The following ARID3B variants were observed in gnomAD, a reference collection of about 807,000 sequenced individuals.
The protein encoded by ARID3B is AT-rich interaction domain 3B.
Under a neutral mutation model 51.9 loss-of-function variants are expected in ARID3B, and 10 were observed. The observed-to-expected ratio is 0.19, with a 90% CI of 0.12 to 0.33. ARID3B has a LOEUF of 0.33. Ranked by LOEUF, ARID3B falls within the 10% of genes least tolerant of loss-of-function variation. The pLI, the probability that ARID3B is intolerant of heterozygous loss-of-function variation, is 1.00. For synonymous variants in ARID3B, 205 were observed against 279.5 expected (o/e 0.73, Z 2.66); for missense variants, 483 against 716.3 (o/e 0.67, Z 3.72).
chr15:74,576,854 G>A (rs1399910481), intron 4 of ARID3B, among the ~76,000 whole-genome samples: 1 of 152,098 alleles, frequency 6.6e-6, no homozygotes, highest in Non-Finnish European at 1.5e-5. Flanking sequence ...CCATGGAGGT[G>A]GAGGAAAAAA....
At chr15:74,566,326 G>C (rs976279852) in intron 2 of ARID3B, among the ~76,000 whole-genome samples, 2 of 152,082 alleles carry the variant, frequency 1.3e-5, no homozygotes, top group Admixed American at 1.3e-4. Flanking sequence ...TAGGCCAGGC[G>C]CAGTGGCTCA....
chr15:74,553,029 G>A (rs2061643797), intron 2 of ARID3B, among the ~76,000 whole-genome samples: 1 of 152,198 alleles, frequency 6.6e-6, no homozygotes, highest in Non-Finnish European at 1.5e-5. Context: ...CAAAGTGGGT[G>A]TACCATTTTG....
At chr15:74,561,523 A>G (rs2061679425) in intron 2 of ARID3B, among the ~76,000 whole-genome samples, 1 of 152,186 alleles carries the variant, frequency 6.6e-6, no homozygotes, top group South Asian at 2.1e-4. Flanking sequence ...TCAGGAGGAG[A>G]CTAAGAAAGT....
intron 4 of ARID3B, chr15:74,574,501 C>G (rs1176588495): frequency 6.6e-6 from 1 of 152,184 alleles, no homozygotes; most frequent in Non-Finnish European, 1.5e-5. Flanking sequence ...CTCTCTATTT[C>G]CCTCCTTCCT....
intron 4 of ARID3B, chr15:74,574,348 A>T (rs1312441895): frequency 6.6e-6 from 1 of 152,262 alleles, no homozygotes; most frequent in Non-Finnish European, 1.5e-5. Flanking sequence ...TGCTCCCAGC[A>T]TCCTGTTATA....
At chr15:74,592,193 A>G (rs987869891) in intron 7 of ARID3B, among the ~76,000 whole-genome samples, 2 of 152,160 alleles carry the variant, frequency 1.3e-5, no homozygotes, top group African/African-American at 4.8e-5. Flanking sequence ...AAGACACCCC[A>G]TGTTCCTGAG....
In ARID3B at chr15:74,596,790, CTTTTGT is replaced by C; in HGVS notation, c.*1021_*1026del. The C allele has an allele frequency of 4.7e-6, 1 of 213,002 alleles. No individual in the cohort carries two copies. Among genetic ancestry groups the C allele is most frequent in the Admixed American group, 6.7e-5 (1 of 14,898 alleles). The allele number at this position is 213,002 out of a possible 1,614,324, so 13.2% of individuals were successfully genotyped here. A position where few individuals can be genotyped will look rare whatever the true frequency, so the allele number is the denominator to read the frequency against. On this transcript the variant is annotated 3_prime_UTR_variant, in exon 9 of 9. Coordinates refer to ENST00000346246, the MANE Select transcript of ARID3B (RefSeq NM_006465.4). ...ATCTTTTTTATATGTGTTTTGCTGA[CTTTTGT>C]TTTTTTTTTATTTTAAAATTTTTAT...
Position 74,576,829 on chromosome 15 carries a change from G to A in ARID3B, c.697+3625G>A, listed in dbSNP as rs1357183354. Reference sequence around the variant, plus strand: ...GGCTCTGAGAAGAGCTGTGGCTCTAGTGTATCAGACCCAACCATGGAGGTG... The same window carrying A: ...GGCTCTGAGAAGAGCTGTGGCTCTAATGTATCAGACCCAACCATGGAGGTG... On this transcript the variant is annotated intron_variant, in intron 4 of 8. Transcript: ENST00000346246. Among the ~76,000 whole-genome samples the A allele has an allele frequency of 3.9e-5, 6 of 152,180 alleles. No homozygotes were observed. The East Asian group carries it at 9.6e-4, about 24-fold the overall frequency.
At chr15:74,594,216 A>G (rs2061814983) in intron 8 of ARID3B, among the ~76,000 whole-genome samples, 1 of 152,188 alleles carries the variant, frequency 6.6e-6, no homozygotes, top group South Asian at 2.1e-4. Flanking sequence ...TGGGAGGCCA[A>G]GGCGGGTGGA....
rs1277199464 is a variant in ARID3B at position 74,596,883 on chromosome 15, G to C, written c.*1109G>C. 5 of 233,366 alleles carry C rather than the reference G, an allele frequency of 2.1e-5. No homozygotes were observed. The East Asian group carries it at 3.0e-4, about 14-fold the overall frequency. 14.5% of individuals were successfully genotyped at this position (233,366 alleles called of 1,614,324 possible). A position where few individuals can be genotyped will look rare whatever the true frequency, so the allele number is the denominator to read the frequency against. ...AGCCAAGCAAGTGATTGGGTAACCCGGCCCCTCTGGCCCTTCCCTCAAGCC... is the reference window on the plus strand; with the variant it reads ...AGCCAAGCAAGTGATTGGGTAACCCCGCCCCTCTGGCCCTTCCCTCAAGCC... On this transcript the variant is annotated 3_prime_UTR_variant, in exon 9 of 9. Coordinates refer to ENST00000346246, the MANE Select transcript of ARID3B (RefSeq NM_006465.4).
Position 74,588,235 on chromosome 15 carries a change from T to A in ARID3B, c.698-1585T>A, listed in dbSNP as rs574545243. Among the ~76,000 whole-genome samples, 543 of 139,952 alleles carry A rather than the reference T, an allele frequency of 3.9e-3. 1 individual carries two copies. Among genetic ancestry groups the A allele is most frequent in the South Asian group, 8.9e-3 (39 of 4,394 alleles). 91.8% of individuals were successfully genotyped at this position (139,952 alleles called of 152,430 possible). On this transcript the variant is annotated intron_variant, in intron 4 of 8. Transcript: ENST00000346246. ...GGCAACAGAGTGAGACCCTATCTTT[T>A]AAAAAAAAAAAAAAAGAAGAAGAAG...
chr15:74,555,786 CTTTT>C (rs869243539), intron 2 of ARID3B, among the ~76,000 whole-genome samples: 1 of 95,114 alleles, frequency 1.1e-5, no homozygotes. Flanking sequence ...AGCTGTATTT[CTTTT>C]TTTTTTTTTT....
rs869243539 is a variant in ARID3B at position 74,555,786 on chromosome 15, C to CTTTTTT, written c.552+11316_552+11321dup. Among the ~76,000 whole-genome samples the CTTTTTT allele has an allele frequency of 4.0e-4, 38 of 95,074 alleles. 1 individual carries two copies. Among genetic ancestry groups the CTTTTTT allele is most frequent in the Non-Finnish European group, 4.3e-4 (22 of 50,720 alleles). 62.4% of individuals were successfully genotyped at this position (95,074 alleles called of 152,430 possible). ...AGCTGTAGCCTTACGAGCTGTATTT[C>CTTTTTT]TTTTTTTTTTTTTTTTTTTTTTTGA... On this transcript the variant is annotated intron_variant, in intron 2 of 8. Transcript: ENST00000346246.
chr15:74,571,951 A>G (rs1236658997), intron 2 of ARID3B, among the ~76,000 whole-genome samples: 1 of 152,106 alleles, frequency 6.6e-6, no homozygotes, highest in Non-Finnish European at 1.5e-5. Context: ...TAAAAATACC[A>G]AACAAAAATT....
intron 4 of ARID3B, among the ~76,000 whole-genome samples, chr15:74,579,029 C>T (rs1191772696): frequency 1.3e-5 from 2 of 152,268 alleles, no homozygotes; most frequent in African/African-American, 4.8e-5. Flanking sequence ...AGCTTTGACA[C>T]AGCAGGCTGT....
chr15:74,573,182 C>T lies in ARID3B; in HGVS notation c.675C>T (p.Leu225=), dbSNP rs767745155. 1.3e-5 allele frequency: 21 copies of T among 1,613,990 alleles called. No individual in the cohort carries two copies. Among genetic ancestry groups the T allele is most frequent in the East Asian group, 4.5e-5 (2 of 44,884 alleles). ...DPERKEFLDD[L]FVFMQKRGTP... ...AAAGGAAAGAGTTCCTGGATGACCT[C>T]TTCGTCTTTATGCAGAAGAGGGGTG... The change falls in exon 4 of 9, where the codon CTC becomes CTT. Residue 225 remains leucine, a synonymous_variant. Coordinates refer to ENST00000346246, the MANE Select transcript of ARID3B (RefSeq NM_006465.4).
At chr15:74,547,269 G>T (rs749636470) in intron 2 of ARID3B, among the ~76,000 whole-genome samples, 1 of 151,126 alleles carries the variant, frequency 6.6e-6, no homozygotes, top group Non-Finnish European at 1.5e-5. Context: ...AGTGATTTTC[G>T]TGCCTCACCC....
chr15:74,589,587 C>T (rs916069370), intron 4 of ARID3B, among the ~76,000 whole-genome samples: 5 of 152,176 alleles, frequency 3.3e-5, no homozygotes, highest in Admixed American at 6.5e-5. Context: ...TATTTACAGA[C>T]GGCAAAACAG....
intron 2 of ARID3B, among the ~76,000 whole-genome samples, chr15:74,550,982 G>T (rs1030888): frequency 3.3e-5 from 5 of 152,122 alleles, no homozygotes; most frequent in Non-Finnish European, 7.3e-5. Flanking sequence ...GCAGGGGATT[G>T]GTTCCAAGAC....
Sources: gnomAD v4.1 joint callset for allele counts (sites outside exome capture counted in the v4.1 genomes callset) on GRCh38, gnomAD v4.1.1 for gene constraint, MANE v1.5 for transcripts, NCBI Gene and HGNC (gene_info 2026-07-23, HGNC 2026-07-21) for gene names.